UNC79: variants seen among roughly 807,000 people sequenced by gnomAD.
The protein encoded by UNC79 is protein unc-79 homolog.
In UNC79, 37 loss-of-function variants were observed where a neutral mutation model predicts 283.1. The ratio of observed to expected loss-of-function variants is 0.13; its 90% CI spans 0.10 to 0.17. The LOEUF (loss-of-function observed/expected upper bound fraction) is 0.17, where lower values mean the gene tolerates loss of function less well. Among genes scored for constraint, UNC79 ranks in the 10% least tolerant of loss-of-function variants. UNC79 has a pLI of 1.00. For synonymous variants in UNC79, 1,107 were observed against 1,200.2 expected, an observed-to-expected ratio of 0.92 and a Z score of 1.61; for missense variants, 2,272 against 3,211.1, an observed-to-expected ratio of 0.71 and a Z score of 7.07.
At chr14:93,537,712 C>G (rs533872700) in intron 11 of UNC79, among the ~76,000 whole-genome samples, 1 of 152,286 alleles carries the variant, frequency 6.6e-6, no homozygotes, top group Non-Finnish European at 1.5e-5. Flanking sequence ...CCTCGCTCCC[C>G]CCATGGCTGA....
At chr14:93,519,692 G>A (rs2060232011) in intron 7 of UNC79, among the ~76,000 whole-genome samples, 1 of 151,000 alleles carries the variant, frequency 6.6e-6, no homozygotes, top group South Asian at 2.1e-4. Flanking sequence ...TTTTATTTCT[G>A]TATTGTACTG....
rs770377651 is a variant in UNC79 at position 93,487,637 on chromosome 14, T to C, written c.620-26T>C. 5 of 1,603,360 alleles carry C rather than the reference T, an allele frequency of 3.1e-6. No individual in the cohort carries two copies. The South Asian group carries it at 3.3e-5, about 11-fold the overall frequency. ...AGGTATATGTAGAGATTAAATTGTGTCTAATCAAAGAACTTTTGGTTGCAG... is the reference window on the plus strand; with the variant it reads ...AGGTATATGTAGAGATTAAATTGTGCCTAATCAAAGAACTTTTGGTTGCAG... On this transcript the variant is annotated intron_variant, in intron 4 of 48. Coordinates refer to ENST00000555664, the Ensembl canonical transcript of UNC79.
At chr14:93,645,866 C>T (rs2069543417) in intron 34 of UNC79, among the ~76,000 whole-genome samples, 1 of 151,958 alleles carries the variant, frequency 6.6e-6, no homozygotes, top group South Asian at 2.1e-4. Flanking sequence ...GTTGCTGGAC[C>T]CCCTATTCTT....
intron 4 of UNC79, among the ~76,000 whole-genome samples, chr14:93,481,663 C>G (rs562730782): frequency 6.6e-6 from 1 of 152,070 alleles, no homozygotes; most frequent in Admixed American, 6.6e-5. Context: ...AAGGCAATTG[C>G]GTGACTTACC....
At chr14:93,600,571 T>C (rs2065432132) in exon 25 of UNC79, 1 of 1,608,852 alleles carries the variant, frequency 6.2e-7, no homozygotes, top group African/African-American at 1.3e-5. Flanking sequence ...TTTCCCAGGG[T>C]CTATGTCTTT....
chr14:93,632,859 T>C (rs1053277614), intron 31 of UNC79, among the ~76,000 whole-genome samples: 2 of 152,066 alleles, frequency 1.3e-5, no homozygotes, highest in Non-Finnish European at 2.9e-5. Flanking sequence ...TGGATTTAGC[T>C]TAGCACTTAA....
chr14:93,593,701 C>T (rs143235409), exon 23 of UNC79: 13 of 1,612,380 alleles, frequency 8.1e-6, no homozygotes, highest in African/African-American at 1.3e-5. Context: ...TCGTCAAATC[C>T]GAGTTCTCTC....
intron 10 of UNC79, 23 bp downstream of exon 10, chr14:93,529,349 T>A: frequency 6.2e-7 from 1 of 1,613,090 alleles, no homozygotes; most frequent in Non-Finnish European, 8.5e-7. Context: ...TAGGAAAGGA[T>A]GAATAATGAG....
At chr14:93,654,525 C>A (rs1028845189) in intron 37 of UNC79, among the ~76,000 whole-genome samples, 3 of 150,442 alleles carry the variant, frequency 2.0e-5, no homozygotes, top group African/African-American at 7.3e-5. Flanking sequence ...GGAGCGAGAC[C>A]CCCAACTCAA....
chr14:93,484,627 A>G (rs1294335781), intron 4 of UNC79, among the ~76,000 whole-genome samples: 2 of 151,978 alleles, frequency 1.3e-5, no homozygotes, highest in Non-Finnish European at 2.9e-5. Flanking sequence ...TAAATGCAAA[A>G]TTTTCTTATT....
At chr14:93,346,954 A>G (rs978245354) in intron 1 of UNC79, among the ~76,000 whole-genome samples, 8 of 145,924 alleles carry the variant, frequency 5.5e-5, no homozygotes, top group African/African-American at 2.2e-4. Context: ...ACTGAACTGA[A>G]GAGAGTGGAG....
At chr14:93,441,118 G>A (rs2056285385) in intron 1 of UNC79, among the ~76,000 whole-genome samples, 1 of 151,932 alleles carries the variant, frequency 6.6e-6, no homozygotes, top group South Asian at 2.1e-4. Flanking sequence ...CTGTGTTACT[G>A]GGTGCATAAA....
intron 14 of UNC79, among the ~76,000 whole-genome samples, chr14:93,571,329 A>C (rs1158224836): frequency 6.6e-6 from 1 of 152,206 alleles, no homozygotes; most frequent in East Asian, 1.9e-4. Flanking sequence ...TACTATCTTA[A>C]TTAGTTTAAA....
At chr14:93,363,804 T>A (rs1325380765) in intron 1 of UNC79, among the ~76,000 whole-genome samples, 2 of 152,036 alleles carry the variant, frequency 1.3e-5, no homozygotes, top group Non-Finnish European at 2.9e-5. Flanking sequence ...CTGCAAGCTC[T>A]GCCTCCCAGG....
intron 19 of UNC79, 107 bp downstream of exon 19, chr14:93,580,483 T>C: frequency 8.9e-7 from 1 of 1,118,152 alleles, no homozygotes; most frequent in Non-Finnish European, 1.3e-6. Context: ...CCATGCTGGG[T>C]TATACGTGAG....
intron 30 of UNC79, among the ~76,000 whole-genome samples, chr14:93,624,076 G>C (rs1260906504): frequency 6.6e-6 from 1 of 152,130 alleles, no homozygotes; most frequent in Non-Finnish European, 1.5e-5. Flanking sequence ...GGATGCACCA[G>C]GTCACATGGC....
intron 32 of UNC79, among the ~76,000 whole-genome samples, chr14:93,639,890 A>T (rs916741494): frequency 1.3e-5 from 2 of 152,160 alleles, no homozygotes; most frequent in African/African-American, 2.4e-5. Context: ...TCTTTCCCCT[A>T]TTTGAGGAAA....
intron 4 of UNC79, among the ~76,000 whole-genome samples, chr14:93,487,064 C>T (rs1253489090): frequency 6.6e-6 from 1 of 151,990 alleles, no homozygotes; most frequent in African/African-American, 2.4e-5. Context: ...GTAATGAAGA[C>T]ATTGATGATG....
rs1221742532 is a variant in UNC79 at position 93,493,897 on chromosome 14, ATATAT to A, written c.713-2512_713-2508del. Reference sequence around the variant, plus strand: ...CACATATATATATATATATATATATATATATTTTTTTTTTTTTTTTTTTGAGATAG... The same window carrying A: ...CACATATATATATATATATATATATATTTTTTTTTTTTTTTTTTGAGATAG... On this transcript the variant is annotated intron_variant, in intron 5 of 48. Coordinates refer to ENST00000555664, the Ensembl canonical transcript of UNC79. 6.9e-3 allele frequency among the ~76,000 whole-genome samples: 398 copies of A among 57,586 alleles called. 2 individuals carry two copies. Among genetic ancestry groups the A allele is most frequent in the Middle Eastern group, 0.031 (2 of 64 alleles). 37.8% of individuals were successfully genotyped at this position (57,586 alleles called of 152,430 possible). A position where few individuals can be genotyped will look rare whatever the true frequency, so the allele number is the denominator to read the frequency against.
Sources: allele counts gnomAD v4.1 joint callset (sites outside exome capture counted in the v4.1 genomes callset), GRCh38; gene constraint gnomAD v4.1.1; transcripts MANE v1.5; gene names NCBI Gene and HGNC (gene_info 2026-07-23, HGNC 2026-07-21).